AKR1C3: variants seen among roughly 807,000 people sequenced by gnomAD.
The protein encoded by AKR1C3 is 3-alpha hydroxysteroid dehydrogenase, type II.
In AKR1C3, 48 loss-of-function variants were observed where a neutral mutation model predicts 43.6. The observed-to-expected ratio is 1.10, with a 90% CI of 0.87 to 1.40. AKR1C3 has a LOEUF of 1.40. Ranked by LOEUF, AKR1C3 falls within the 40% of genes most tolerant of loss-of-function variation. The pLI, the probability that AKR1C3 is intolerant of heterozygous loss-of-function variation, is 0.00. For synonymous variants in AKR1C3, 162 were observed against 139.6 expected (o/e 1.16, Z -1.13); for missense variants, 482 against 391.2 (o/e 1.23, Z -1.96).
intron 1 of AKR1C3, among the ~76,000 whole-genome samples, chr10:5,086,914 T>C (rs1234852559): frequency 6.6e-6 from 1 of 152,138 alleles, no homozygotes; most frequent in Admixed American, 6.6e-5. Context: ...CCTTTTTTTG[T>C]TTTCCATTTG....
At position 5,064,328 on chromosome 10, in the gene AKR1C3, G is replaced by A. The variant is rs546659685; in HGVS notation, c.84+15433G>A. Among the ~76,000 whole-genome samples the A allele has an allele frequency of 1.4e-3, 214 of 152,228 alleles. 2 individuals are homozygous for A. Among genetic ancestry groups the A allele is most frequent in the Middle Eastern group, 0.01 (3 of 294 alleles). The stretch of plus-strand genomic sequence containing the variant: ...GATGCTGTGATGACTAGCTAGCCAT[G>A]TGCAGAAGATTGAAACGGGAAAGCC... On this transcript the variant is annotated intron_variant, in intron 1 of 8. Transcript: ENST00000439082.
In AKR1C3 at chr10:5,107,666, A is replaced by C. The variant is rs1263991043; in HGVS notation, c.*163A>C. 1 of 563,390 alleles carries C rather than the reference A, an allele frequency of 1.8e-6. No homozygotes were observed. The highest frequency in any genetic ancestry group is 3.1e-6 in the Non-Finnish European group (1 of 318,218). The allele number at this position is 563,390 out of a possible 1,614,324, so 34.9% of individuals were successfully genotyped here. On this transcript the variant is annotated 3_prime_UTR_variant, in exon 9 of 9. Transcript: ENST00000380554. ...AGTCCATAGGCCAGAAAGACAATAA[A>C]TTTTTATCATTTTGAAATAATTGAA... is the stretch of plus-strand genomic sequence containing the variant.
At chr10:5,091,577 TTTTA>T (rs1309624767), upstream of AKR1C3, among the ~76,000 whole-genome samples, 1 of 152,160 alleles carries the variant, frequency 6.6e-6, no homozygotes, top group Non-Finnish European at 1.5e-5. Context: ...TCAATTGCTC[TTTTA>T]TTTATTCTGT....
chr10:5,066,933 C>G (rs1838517225), intron 1 of AKR1C3, among the ~76,000 whole-genome samples: 1 of 152,108 alleles, frequency 6.6e-6, no homozygotes, highest in South Asian at 2.1e-4. Context: ...CTACTCTAAA[C>G]CATGGAAAAA....
intron 1 of AKR1C3, among the ~76,000 whole-genome samples, chr10:5,076,337 C>T (rs928887922): frequency 9.2e-5 from 14 of 152,028 alleles, no homozygotes; most frequent in Non-Finnish European, 1.9e-4. Flanking sequence ...TTAATTATTG[C>T]TATTATCTCA....
chr10:5,099,577 C>A, intron 5 of AKR1C3, 128 bp downstream of exon 5: 1 of 1,499,036 alleles, frequency 6.7e-7, no homozygotes, highest in Non-Finnish European at 9.0e-7. Context: ...AGCAAAGCTT[C>A]TGTCAAGAAA....
intron 3 of AKR1C3, 64 bp from the exon 4 acceptor site, chr10:5,098,738 G>A (rs192164862): frequency 7.5e-7 from 1 of 1,326,566 alleles, no homozygotes; most frequent in East Asian, 2.3e-5. Context: ...AAGGTACCTG[G>A]GGTTACAGCT....
Position 5,106,964 on chromosome 10 carries a change from TA to T in AKR1C3, c.930-495del, listed in dbSNP as rs1839518335. Among the ~76,000 whole-genome samples the T allele has an allele frequency of 2.6e-5, 4 of 150,970 alleles. No individual in the cohort carries two copies. In the Admixed American group the frequency reaches 2.7e-4, roughly 10 times the overall value. ...AGAAAGGAAGAGTAGCGAGCATGAGTAATTCTTATCATCCATTAAAAATGTA... is the reference window on the plus strand; with the variant it reads ...AGAAAGGAAGAGTAGCGAGCATGAGTATTCTTATCATCCATTAAAAATGTA... On this transcript the variant is annotated intron_variant, in intron 8 of 8. Transcript: ENST00000380554.
chr10:5,058,227 G>T (rs1838304493), intron 1 of AKR1C3, among the ~76,000 whole-genome samples: 1 of 152,184 alleles, frequency 6.6e-6, no homozygotes, highest in South Asian at 2.1e-4. Flanking sequence ...GATGTAAATT[G>T]TAAGCTTTGC....
intron 3 of AKR1C3, chr10:5,098,298 C>A: frequency 1.6e-6 from 1 of 625,310 alleles, no homozygotes; most frequent in Non-Finnish European, 2.0e-6. Context: ...TCATTGGTGG[C>A]GATTATGGCT....
upstream of AKR1C3, among the ~76,000 whole-genome samples, chr10:5,090,225 A>G (rs1554783967): frequency 1.3e-5 from 2 of 152,118 alleles, no homozygotes; most frequent in African/African-American, 4.8e-5. Context: ...GTAGAGCTGG[A>G]GTAGCTTAAT....
chr10:5,078,052 A>T, intron 1 of AKR1C3: 1 of 641,960 alleles, frequency 1.6e-6, no homozygotes, highest in Non-Finnish European at 2.7e-6. Flanking sequence ...TTGTAAATGG[A>T]AATACCATTA....
Position 5,053,140 on chromosome 10 carries a change from C to T in AKR1C3, c.84+4245C>T, listed in dbSNP as rs527811196. 2.0e-4 allele frequency among the ~76,000 whole-genome samples: 31 copies of T among 152,382 alleles called. No individual in the cohort carries two copies. The South Asian group carries it at 2.5e-3, about 12-fold the overall frequency. The stretch of plus-strand genomic sequence containing the variant: ...AGCTGCCTGCCAGTCCCGTGCCATG[C>T]GCCCGCACTCCTCAGCACTTGGGTG... On this transcript the variant is annotated intron_variant, in intron 1 of 8. Transcript: ENST00000439082.
chr10:5,066,721 C>T (rs184431920), intron 1 of AKR1C3, among the ~76,000 whole-genome samples: 69 of 152,290 alleles, frequency 4.5e-4, no homozygotes, highest in African/African-American at 1.6e-3. Flanking sequence ...AGTCTCATCT[C>T]CTTCACTGAA....
intron 4 of AKR1C3, 129 bp from the exon 5 acceptor site, chr10:5,099,198 T>A: frequency 2.0e-6 from 3 of 1,480,110 alleles, no homozygotes; most frequent in Non-Finnish European, 2.7e-6. Context: ...TTTTTCTTTT[T>A]TTGACAATCA....
chr10:5,069,615 C>G (rs1838578222), intron 1 of AKR1C3, among the ~76,000 whole-genome samples: 1 of 152,148 alleles, frequency 6.6e-6, no homozygotes, highest in African/African-American at 2.4e-5. Context: ...TGGCTTATGC[C>G]TGTAATTCCA....
At chr10:5,077,628 A>G in intron 1 of AKR1C3, 1 of 1,041,526 alleles carries the variant, frequency 9.6e-7, no homozygotes, top group Non-Finnish European at 1.2e-6. Context: ...TGTCTGGGCA[A>G]GGAGTTTGGT....
At chr10:5,084,695 C>T (rs1318632593) in intron 1 of AKR1C3, among the ~76,000 whole-genome samples, 2 of 152,096 alleles carry the variant, frequency 1.3e-5, no homozygotes, top group African/African-American at 4.8e-5. Flanking sequence ...GATATTGATT[C>T]TTCCTACCCA....
intron 3 of AKR1C3, chr10:5,098,123 TACTCAGGCTAG>T: frequency 1.0e-6 from 1 of 986,666 alleles, no homozygotes; most frequent in Non-Finnish European, 1.2e-6. Context: ...TACAGAAAAC[TACTCAGGCTAG>T]TTAATGCAAA....
Sources: gnomAD v4.1 joint callset for allele counts (sites outside exome capture counted in the v4.1 genomes callset) on GRCh38, gnomAD v4.1.1 for gene constraint, MANE v1.5 for transcripts, NCBI Gene and HGNC (gene_info 2026-07-23, HGNC 2026-07-21) for gene names.